The following NHS variants were observed in gnomAD, a reference collection of about 807,000 sequenced individuals.
NHS encodes the protein actin remodeling regulator NHS.
NHS carries 5 observed loss-of-function variants against 72.5 expected under a neutral mutation model. The ratio of observed to expected loss-of-function variants is 0.07; its 90% CI spans 0.04 to 0.14. The LOEUF (loss-of-function observed/expected upper bound fraction) is 0.14, where lower values mean the gene tolerates loss of function less well. Ranked by LOEUF, NHS falls within the 10% of genes least tolerant of loss-of-function variation. The pLI is 1.00. For synonymous variants in NHS, 464 were observed against 547.7 expected (o/e 0.85, Z 2.13); for missense variants, 1,072 against 1,355.7 (o/e 0.79, Z 3.29).
rs147740453 is a variant in NHS, at chrX:17,518,219, C to T, written c.565+141897C>T. 8.4e-4 allele frequency among the ~76,000 whole-genome samples: 94 copies of T among 111,842 alleles called. 1 individual carries two copies. Among genetic ancestry groups the T allele is most frequent in the African/African-American group, 2.9e-3 (90 of 30,806 alleles). ...TGATCTTAATGTTTATGCTCAGAAG[C>T]GACACAACCCTTCTGCTCACACTTA... On this transcript the variant is annotated intron_variant, in intron 1 of 8. Transcript: ENST00000676302.
chrX:17,707,887 A>C (rs753701564), intron 3 of NHS, among the ~76,000 whole-genome samples: 1 of 111,231 alleles, frequency 9.0e-6, no homozygotes, highest in South Asian at 3.9e-4. Flanking sequence ...TCAGTTTTCC[A>C]TTGGTTTACA....
At chrX:17,567,593 C>T (rs958429054) in intron 1 of NHS, among the ~76,000 whole-genome samples, 3 of 111,510 alleles carry the variant, frequency 2.7e-5, no homozygotes, top group Non-Finnish European at 3.8e-5. Context: ...CTCCCCTCCA[C>T]GTATTGCCTA....
intron 1 of NHS, among the ~76,000 whole-genome samples, chrX:17,508,766 G>A (rs752776454): frequency 2.7e-5 from 3 of 112,234 alleles, no homozygotes; most frequent in Admixed American, 9.4e-5. Context: ...CACTGTGCCC[G>A]GCTCATTTTT....
At chrX:17,417,191 A>C (rs1416662365) in intron 1 of NHS, among the ~76,000 whole-genome samples, 1 of 110,863 alleles carries the variant, frequency 9.0e-6, no homozygotes, top group East Asian at 2.8e-4. Context: ...CAGGGTCAGA[A>C]ATTTTTTTTC....
At chrX:17,616,247 G>A (rs1401949409) in intron 1 of NHS, among the ~76,000 whole-genome samples, 3 of 112,569 alleles carry the variant, frequency 2.7e-5, no homozygotes, top group Non-Finnish European at 3.8e-5. Context: ...GCTGGGTGGC[G>A]CCACCTCTTC....
chrX:17,430,912 A>G (rs756464381), intron 1 of NHS, among the ~76,000 whole-genome samples: 51 of 112,051 alleles, frequency 4.6e-4, no homozygotes, highest in Non-Finnish European at 6.2e-4. Context: ...CCTTTTTGCT[A>G]TTATGAATAG....
chrX:17,417,614 A>G (rs1027713882), intron 1 of NHS, among the ~76,000 whole-genome samples: 1 of 112,150 alleles, frequency 8.9e-6, no homozygotes, highest in Non-Finnish European at 1.9e-5. Flanking sequence ...GTTTTTAGCA[A>G]TAATTTTACT....
At chrX:17,555,020 G>A (rs745822749) in intron 1 of NHS, among the ~76,000 whole-genome samples, 1 of 109,509 alleles carries the variant, frequency 9.1e-6, no homozygotes, top group South Asian at 4.0e-4. Context: ...TCCCCAACAG[G>A]CCCTGGTGTG....
intron 3 of NHS, among the ~76,000 whole-genome samples, chrX:17,712,024 CAT>C (rs758995509): frequency 1.9e-5 from 2 of 107,474 alleles, no homozygotes; most frequent in East Asian, 5.9e-4. Context: ...AAAGGGTATA[CAT>C]ATGTTTAAGA....
rs929131265 is a variant in NHS at position 17,688,017 on chromosome X, C to T, written c.718+123C>T. On this transcript the variant is annotated intron_variant, in intron 2 of 8. Coordinates refer to ENST00000676302, the MANE Select transcript of NHS (RefSeq NM_001291867.2). The stretch of plus-strand genomic sequence containing the variant: ...TTATAGCAAGTACTTTGAAATGCTC[C>T]CGTTTCTACCCTGAAATGAAATCCA... 3 of 756,222 alleles carry T rather than the reference C, an allele frequency of 4.0e-6. No homozygotes were observed. The African/African-American group carries it at 6.3e-5, about 16-fold the overall frequency. The allele number at this position is 756,222 out of a possible 1,213,427, so 62.3% of individuals were successfully genotyped here.
intron 3 of NHS, among the ~76,000 whole-genome samples, chrX:17,712,956 T>C (rs2147130935): frequency 9.0e-6 from 1 of 111,584 alleles, no homozygotes; most frequent in African/African-American, 3.3e-5. Flanking sequence ...TACCTCTTCA[T>C]TGTGTTTACC....
At chrX:17,716,524 T>C (rs1157295871) in intron 3 of NHS, among the ~76,000 whole-genome samples, 2 of 111,122 alleles carry the variant, frequency 1.8e-5, no homozygotes, top group East Asian at 5.6e-4. Context: ...TTCCACATCA[T>C]TGTCTGTGGC....
intron 1 of NHS, among the ~76,000 whole-genome samples, chrX:17,573,149 T>C (rs184496821): frequency 1.2e-4 from 13 of 111,476 alleles, no homozygotes; most frequent in Middle Eastern, 4.6e-3. Flanking sequence ...CTGACAATTA[T>C]GTGTCTTGGG....
At chrX:17,471,685 CCA>C (rs2064893104) in intron 1 of NHS, among the ~76,000 whole-genome samples, 1 of 111,977 alleles carries the variant, frequency 8.9e-6, no homozygotes, top group South Asian at 3.7e-4. Context: ...AAAGTTCAAA[CCA>C]CATTTTGGGA....
Position 17,376,087 on chromosome X carries a change from C to A in NHS, c.330C>A (p.Ser110=). ...PEAAPAAGEA[S]SAAAAAAVLL... is the part of the protein sequence containing the mutation. Reference sequence around the variant, plus strand: ...CGGCGCCCGCAGCCGGCGAGGCGTCCTCGGCGGCGGCGGCGGCGGCCGTGC... The same window carrying A: ...CGGCGCCCGCAGCCGGCGAGGCGTCATCGGCGGCGGCGGCGGCGGCCGTGC... The change falls in exon 1 of 9, where the codon TCC becomes TCA. Residue 110 remains serine (S), a synonymous_variant. Transcript: ENST00000676302. 1 of 1,080,979 alleles carries A rather than the reference C, an allele frequency of 9.3e-7. No individual in the cohort carries two copies. Among genetic ancestry groups the A allele is most frequent in the Admixed American group, 3.6e-5 (1 of 27,454 alleles). The allele number at this position is 1,080,979 out of a possible 1,213,427, so 89.1% of individuals were successfully genotyped here.
chrX:17,700,296 T>G (rs1193136925), intron 3 of NHS, among the ~76,000 whole-genome samples: 1 of 108,502 alleles, frequency 9.2e-6, no homozygotes, highest in Non-Finnish European at 1.9e-5. Context: ...ATACAAAAAT[T>G]AGCTGGGCCT....
At chrX:17,558,518 G>C (rs2065393879) in intron 1 of NHS, among the ~76,000 whole-genome samples, 1 of 112,256 alleles carries the variant, frequency 8.9e-6, no homozygotes, top group African/African-American at 3.2e-5. Flanking sequence ...AGACGTACAT[G>C]GGCTTCGTAG....
At chrX:17,556,973 GATAT>G in intron 1 of NHS, among the ~76,000 whole-genome samples, 1 of 106,136 alleles carries the variant, frequency 9.4e-6, no homozygotes, top group East Asian at 2.9e-4. Context: ...TTAAAACATG[GATAT>G]ATATATATAT....
intron 1 of NHS, among the ~76,000 whole-genome samples, chrX:17,669,310 CGTT>C (rs2066030699): frequency 8.9e-6 from 1 of 111,799 alleles, no homozygotes; most frequent in Admixed American, 9.5e-5. Context: ...GACTGAAACT[CGTT>C]GACATCAATA....
Sources: allele counts gnomAD v4.1 joint callset (sites outside exome capture counted in the v4.1 genomes callset), GRCh38; gene constraint gnomAD v4.1.1; transcripts MANE v1.5; gene names NCBI Gene and HGNC (gene_info 2026-07-23, HGNC 2026-07-21).